The following AKAP7 variants were observed in gnomAD, a reference collection of about 807,000 sequenced individuals.
The protein encoded by AKAP7 is A-kinase anchoring protein 7, also known as A kinase (PRKA) anchor protein 7.
Under a neutral mutation model 39.5 loss-of-function variants are expected in AKAP7, and 39 were observed. The observed-to-expected ratio is 0.99, with a 90% confidence interval of 0.76 to 1.29. The LOEUF (loss-of-function observed/expected upper bound fraction) is 1.29, where lower values mean the gene tolerates loss of function less well. Among genes scored for constraint, AKAP7 ranks in the 50% most tolerant of loss-of-function variants. The probability of loss-of-function intolerance (pLI) is 0.00; values close to 1 mark genes in which losing one functional copy is unlikely to be tolerated. For synonymous variants in AKAP7, 140 were observed against 139.1 expected (o/e 1.01, Z -0.05); for missense variants, 414 against 407.7 (o/e 1.02, Z -0.13).
At chr6:131,148,564 G>A (rs1464357616) in intron 2 of AKAP7, among the ~76,000 whole-genome samples, 1 of 151,790 alleles carries the variant, frequency 6.6e-6, no homozygotes, top group Non-Finnish European at 1.5e-5. Flanking sequence ...ACGAATAAAT[G>A]TTATTTATAA....
chr6:131,190,762 C>T (rs1200420893), intron 5 of AKAP7, among the ~76,000 whole-genome samples: 3 of 151,988 alleles, frequency 2.0e-5, no homozygotes, highest in Non-Finnish European at 4.4e-5. Flanking sequence ...GTACAAATGC[C>T]CACTGTTTTA....
intron 3 of AKAP7, chr6:131,164,607 G>T: frequency 5.9e-6 from 2 of 336,300 alleles, no homozygotes. Context: ...CATGAGGAAC[G>T]GGTTCACAGA....
chr6:131,248,566 A>G (rs1812215580), intron 7 of AKAP7, among the ~76,000 whole-genome samples: 1 of 152,166 alleles, frequency 6.6e-6, no homozygotes, highest in African/African-American at 2.4e-5. Flanking sequence ...GAGGATCCTA[A>G]TATGCCTACT....
intron 5 of AKAP7, among the ~76,000 whole-genome samples, chr6:131,185,659 A>G (rs1322730087): frequency 6.6e-6 from 1 of 152,162 alleles, no homozygotes; most frequent in Non-Finnish European, 1.5e-5. Flanking sequence ...CCTTTTGCCC[A>G]TTTTTAAACC....
intron 7 of AKAP7, among the ~76,000 whole-genome samples, chr6:131,256,355 C>T (rs1812850003): frequency 6.6e-6 from 1 of 152,154 alleles, no homozygotes; most frequent in South Asian, 2.1e-4. Context: ...AGAGCAAATG[C>T]TAGTACTTAC....
chr6:131,254,085 A>G (rs1461958558), intron 7 of AKAP7, among the ~76,000 whole-genome samples: 1 of 152,164 alleles, frequency 6.6e-6, no homozygotes, highest in African/African-American at 2.4e-5. Context: ...GCAGCACAAA[A>G]CACTTTTTTG....
chr6:131,265,185 G>A (rs1290258689), intron 7 of AKAP7, among the ~76,000 whole-genome samples: 2 of 151,918 alleles, frequency 1.3e-5, no homozygotes, highest in African/African-American at 4.8e-5. Context: ...CCCAGGATGG[G>A]GTGCAGTGGT....
At chr6:131,272,773 G>T (rs1384596452) in intron 7 of AKAP7, among the ~76,000 whole-genome samples, 4 of 152,150 alleles carry the variant, frequency 2.6e-5, no homozygotes, top group Admixed American at 6.5e-5. Context: ...TCAGAATGTG[G>T]TCTCTCTTGG....
upstream of AKAP7, among the ~76,000 whole-genome samples, chr6:131,130,752 C>T (rs1012020309): frequency 2.6e-5 from 4 of 152,136 alleles, no homozygotes; most frequent in Admixed American, 2.6e-4. Flanking sequence ...GGGCTGGGAA[C>T]AGGTGGTAGC....
At chr6:131,137,484 G>A (rs2128222308) in intron 1 of AKAP7, 2 of 152,280 alleles carry the variant, frequency 1.3e-5, no homozygotes, top group South Asian at 4.1e-4. Flanking sequence ...CCAGCTTCAA[G>A]CGATTCCCCT....
At chr6:131,175,856 A>G (rs1444154704) in intron 5 of AKAP7, among the ~76,000 whole-genome samples, 1 of 152,200 alleles carries the variant, frequency 6.6e-6, no homozygotes, top group Non-Finnish European at 1.5e-5. Context: ...CCATTAGATC[A>G]TACTTTTTAA....
chr6:131,131,692 A>G (rs913361619), upstream of AKAP7, among the ~76,000 whole-genome samples: 1 of 152,078 alleles, frequency 6.6e-6, no homozygotes, highest in African/African-American at 2.4e-5. Flanking sequence ...GGCAAAAGGG[A>G]TGGTCAGAGC....
chr6:131,268,508 G>A (rs1197343811), intron 7 of AKAP7, among the ~76,000 whole-genome samples: 1 of 152,158 alleles, frequency 6.6e-6, no homozygotes, highest in East Asian at 1.9e-4. Flanking sequence ...TTAGTGAGCT[G>A]GCATCATGGG....
rs1158313950 is a variant in AKAP7 at position 131,242,140 on chromosome 6, A to G, written c.850+22332A>G. On this transcript the variant is annotated intron_variant, in intron 7 of 7. Coordinates refer to ENST00000431975, the MANE Select transcript of AKAP7 (RefSeq NM_016377.4). ...GAAAACAACAGTTTGTCAATTCATG[A>G]ATTGTGGTTCTATTTGATCTTCTAT... 3.0e-6 allele frequency: 3 copies of G among 984,642 alleles called. No homozygotes were observed. In the African/African-American group the frequency reaches 5.2e-5, roughly 17 times the overall value. 61.0% of individuals were successfully genotyped at this position (984,642 alleles called of 1,614,324 possible). A position where few individuals can be genotyped will look rare whatever the true frequency, so the allele number is the denominator to read the frequency against.
At chr6:131,259,300 G>A (rs1207268025) in intron 7 of AKAP7, among the ~76,000 whole-genome samples, 1 of 152,106 alleles carries the variant, frequency 6.6e-6, no homozygotes, top group Non-Finnish European at 1.5e-5. Flanking sequence ...TAGGGCTATT[G>A]TAGTCAGACT....
intron 6 of AKAP7, among the ~76,000 whole-genome samples, chr6:131,210,950 T>A (rs968805282): frequency 6.6e-6 from 1 of 152,154 alleles, no homozygotes; most frequent in Non-Finnish European, 1.5e-5. Context: ...GCCAAATATC[T>A]CTAGAATTTA....
upstream of AKAP7, among the ~76,000 whole-genome samples, chr6:131,131,712 G>A (rs1167131295): frequency 2.0e-5 from 3 of 152,206 alleles, no homozygotes; most frequent in Non-Finnish European, 4.4e-5. Flanking sequence ...CGGGCACAAG[G>A]AGTATTAAAG....
intron 7 of AKAP7, among the ~76,000 whole-genome samples, chr6:131,229,385 G>A (rs966262191): frequency 6.6e-6 from 1 of 152,174 alleles, no homozygotes; most frequent in African/African-American, 2.4e-5. Context: ...GTCTCGTTGT[G>A]TTGCCCAGGC....
intron 5 of AKAP7, among the ~76,000 whole-genome samples, chr6:131,192,698 A>G (rs1338058370): frequency 1.3e-5 from 2 of 152,146 alleles, no homozygotes; most frequent in African/African-American, 4.8e-5. Context: ...AACAACATTG[A>G]TTCTTCCAAT....
Sources: allele counts gnomAD v4.1 joint callset (sites outside exome capture counted in the v4.1 genomes callset), GRCh38; gene constraint gnomAD v4.1.1; transcripts MANE v1.5; gene names NCBI Gene and HGNC (gene_info 2026-07-23, HGNC 2026-07-21).